ANKS1B: variants seen among roughly 807,000 people sequenced by gnomAD.
ANKS1B encodes the protein ankyrin repeat and sterile alpha motif domain-containing protein 1B.
ANKS1B carries 36 observed loss-of-function variants against 148.3 expected under a neutral mutation model. That is an observed-to-expected ratio of 0.24 (90% CI 0.19 to 0.32). ANKS1B has a LOEUF of 0.32. ANKS1B is among the 10% of genes least tolerant of loss of function. ANKS1B has a pLI of 1.00. For missense variants in ANKS1B, 1,157 were observed against 1,542.6 expected, an observed-to-expected ratio of 0.75 and a Z score of 4.19; for synonymous variants, 542 against 560.8, an observed-to-expected ratio of 0.97 and a Z score of 0.47.
At chr12:99,080,577 G>A (rs1051241105) in intron 16 of ANKS1B, among the ~76,000 whole-genome samples, 2 of 152,198 alleles carry the variant, frequency 1.3e-5, no homozygotes, top group African/African-American at 4.8e-5. Context: ...GAGCAGATGC[G>A]ATATGAGCCT....
intron 8 of ANKS1B, among the ~76,000 whole-genome samples, chr12:99,678,480 A>G (rs2098594958): frequency 1.3e-5 from 2 of 152,156 alleles, no homozygotes; most frequent in Non-Finnish European, 2.9e-5. Flanking sequence ...CTTCTCCTAC[A>G]TAACTTGGAA....
chr12:99,752,309 C>A (rs1354684627), intron 8 of ANKS1B, among the ~76,000 whole-genome samples: 1 of 152,004 alleles, frequency 6.6e-6, no homozygotes, highest in Non-Finnish European at 1.5e-5. Context: ...CTTATACTAT[C>A]ATTTACTGGA....
At chr12:99,315,540 AATT>A (rs1271003933) in intron 12 of ANKS1B, among the ~76,000 whole-genome samples, 3 of 151,816 alleles carry the variant, frequency 2.0e-5, no homozygotes, top group African/African-American at 2.4e-5. Flanking sequence ...TCAGAATGGT[AATT>A]ATTATTTTTT....
chr12:98,908,331 G>A (rs947277576), intron 17 of ANKS1B, among the ~76,000 whole-genome samples: 1 of 152,208 alleles, frequency 6.6e-6, no homozygotes, highest in African/African-American at 2.4e-5. Flanking sequence ...CTACTGTTAT[G>A]TCTGCTTCCA....
At chr12:99,158,675 A>C (rs2076330919) in intron 14 of ANKS1B, among the ~76,000 whole-genome samples, 1 of 150,400 alleles carries the variant, frequency 6.6e-6, no homozygotes, top group African/African-American at 2.5e-5. Context: ...ATAATGTAAA[A>C]ATGTTTATTC....
At chr12:98,866,328 C>T (rs561956714) in intron 17 of ANKS1B, among the ~76,000 whole-genome samples, 5 of 152,196 alleles carry the variant, frequency 3.3e-5, no homozygotes, top group East Asian at 3.9e-4. Flanking sequence ...GGCCTTCTCA[C>T]CTAAATTAAT....
chr12:98,894,973 C>T (rs1204442046), intron 17 of ANKS1B: 3 of 823,990 alleles, frequency 3.6e-6, no homozygotes, highest in Admixed American at 6.5e-5. Flanking sequence ...CCACGCGGCG[C>T]GCGCCTGCCC....
chr12:99,785,940 T>C (rs1469255229), intron 4 of ANKS1B, among the ~76,000 whole-genome samples: 1 of 152,218 alleles, frequency 6.6e-6, no homozygotes, highest in Non-Finnish European at 1.5e-5. Flanking sequence ...TTTGTAAATA[T>C]ACAGCACAGT....
At chr12:99,460,436 G>C (rs1317157789) in intron 10 of ANKS1B, among the ~76,000 whole-genome samples, 2 of 152,120 alleles carry the variant, frequency 1.3e-5, no homozygotes, top group Non-Finnish European at 2.9e-5. Context: ...AAACTAAAAA[G>C]CTTCTGCACA....
chr12:99,890,570 GGTGTGTGTGTGTGTGTGTGTGTGT>G lies in ANKS1B; in HGVS notation c.135-65205_135-65182del, dbSNP rs10603901. ...AAGTCTCTTTCTCACTCGCATTCAT[GGTGTGTGTGTGTGTGTGTGTGTGT>G]GTGTGTGTGTGTGTGTGTGTGTGTG... On this transcript the variant is annotated intron_variant, in intron 1 of 26. Coordinates refer to ENST00000683438, the MANE Select transcript of ANKS1B (RefSeq NM_001352186.2). Among the ~76,000 whole-genome samples, 154 of 138,046 alleles carry G rather than the reference GGTGTGTGTGTGTGTGTGTGTGTGT, an allele frequency of 1.1e-3. 2 individuals carry two copies. In the East Asian group the frequency reaches 0.026, roughly 23 times the overall value. 90.6% of individuals were successfully genotyped at this position (138,046 alleles called of 152,430 possible).
intron 1 of ANKS1B, among the ~76,000 whole-genome samples, chr12:99,879,064 C>T (rs1488389231): frequency 6.6e-6 from 1 of 152,128 alleles, no homozygotes; most frequent in Non-Finnish European, 1.5e-5. Flanking sequence ...AGAAGGGTGA[C>T]TAGAAGCTGC....
At chr12:99,777,387 T>C (rs1258532364) in intron 6 of ANKS1B, among the ~76,000 whole-genome samples, 2 of 152,162 alleles carry the variant, frequency 1.3e-5, no homozygotes, top group African/African-American at 2.4e-5. Flanking sequence ...ACATACCTAA[T>C]TAATCTTGAC....
chr12:99,899,468 C>G (rs557749339), intron 1 of ANKS1B, among the ~76,000 whole-genome samples: 15 of 152,058 alleles, frequency 9.9e-5, no homozygotes, highest in African/African-American at 3.4e-4. Context: ...ATCTGTTACC[C>G]CTACAAGTTT....
At chr12:99,423,671 G>A (rs960329228) in intron 11 of ANKS1B, among the ~76,000 whole-genome samples, 9 of 152,112 alleles carry the variant, frequency 5.9e-5, no homozygotes, top group Non-Finnish European at 1.2e-4. Flanking sequence ...AAAGGAATGA[G>A]ATCATGTCCT....
At chr12:98,791,431 C>T (rs990885860) in intron 22 of ANKS1B, among the ~76,000 whole-genome samples, 2 of 152,006 alleles carry the variant, frequency 1.3e-5, no homozygotes, top group East Asian at 1.9e-4. Context: ...GTGGGCATTG[C>T]GATTCAATAG....
chr12:98,769,230 A>T (rs1320766177), intron 25 of ANKS1B, among the ~76,000 whole-genome samples: 1 of 130,364 alleles, frequency 7.7e-6, no homozygotes, highest in Non-Finnish European at 1.5e-5. Flanking sequence ...GATTCATATC[A>T]AAAGAATTTT....
Position 99,735,807 on chromosome 12 carries a change from C to CAA in ANKS1B, c.1128+37113_1128+37114dup, listed in dbSNP as rs376398944. The stretch of plus-strand genomic sequence containing the variant: ...ACTAAAGCCAGACAAGGACATATAC[C>CAA]AAAAAAAAAAAAAAAAAGAATATCC... On this transcript the variant is annotated intron_variant, in intron 8 of 26. Transcript: ENST00000683438. 9.7e-3 allele frequency among the ~76,000 whole-genome samples: 1,057 copies of CAA among 108,904 alleles called. 26 individuals carry two copies. The highest frequency in any genetic ancestry group is 0.056 in the South Asian group (188 of 3,370). 71.4% of individuals were successfully genotyped at this position (108,904 alleles called of 152,430 possible). A position where few individuals can be genotyped will look rare whatever the true frequency, so the allele number is the denominator to read the frequency against.
At chr12:99,234,161 G>C (rs1337047140) in intron 14 of ANKS1B, among the ~76,000 whole-genome samples, 1 of 152,072 alleles carries the variant, frequency 6.6e-6, no homozygotes, top group East Asian at 1.9e-4. Flanking sequence ...TTTGCAGATA[G>C]ACAACACATA....
chr12:99,172,048 C>T (rs1175751945), intron 14 of ANKS1B, among the ~76,000 whole-genome samples: 2 of 152,018 alleles, frequency 1.3e-5, no homozygotes. Flanking sequence ...ATAGAGGAGA[C>T]CATCTAATCT....
Sources: allele counts gnomAD v4.1 joint callset (sites outside exome capture counted in the v4.1 genomes callset), GRCh38; gene constraint gnomAD v4.1.1; transcripts MANE v1.5; gene names NCBI Gene and HGNC (gene_info 2026-07-23, HGNC 2026-07-21).